DNAI7: variants seen among roughly 807,000 people sequenced by gnomAD.
The protein encoded by DNAI7 is dynein axonemal intermediate chain 7, also known as cancer susceptibility 1.
DNAI7 carries 78 observed loss-of-function variants against 86.6 expected under a neutral mutation model. That is an observed-to-expected ratio of 0.90 (90% confidence interval 0.75 to 1.09). The LOEUF (loss-of-function observed/expected upper bound fraction) is 1.09. Among genes scored for constraint, DNAI7 ranks in the 50% least tolerant of loss-of-function variants. DNAI7 has a pLI of 0.00. For synonymous variants in DNAI7, 274 were observed against 273.0 expected (o/e 1.00, Z -0.04); for missense variants, 753 against 810.2 (o/e 0.93, Z 0.86).
intron 9 of DNAI7, 36 bp from the exon 10 acceptor site, chr12:25,123,322 A>C: frequency 7.2e-7 from 1 of 1,388,564 alleles, no homozygotes; most frequent in Non-Finnish European, 1.0e-6. Context: ...TGTGATTGTC[A>C]GTGTCTACAT....
At chr12:25,171,969 T>C (rs1056638316) in intron 2 of DNAI7, among the ~76,000 whole-genome samples, 1 of 152,186 alleles carries the variant, frequency 6.6e-6, no homozygotes, top group African/African-American at 2.4e-5. Flanking sequence ...TATCTTAATG[T>C]AATAACAGCC....
In DNAI7 at chr12:25,108,587, G is replaced by A. The variant is rs1949428067; in HGVS notation, c.2130C>T (p.Cys710=). 6.2e-7 allele frequency: 1 copy of A among 1,613,570 alleles called. No homozygotes were observed. Among genetic ancestry groups the A allele is most frequent in the African/African-American group, 1.3e-5 (1 of 74,826 alleles). The stretch of plus-strand genomic sequence containing the variant: ...GCAATCTGGTAGAGAGCAGCATGTG[G>A]CACACAGAGTTGACAAACTGACAGT... The part of the protein sequence containing the change: ...SSNCQFVNSV[C]HMLLSTRLLS... The change falls in exon 16 of 16, where the codon TGC becomes TGT. Residue 710 remains cysteine, a synonymous_variant. Transcript: ENST00000395987.
chr12:25,156,758 ATCT>A (rs1392408554), intron 4 of DNAI7, among the ~76,000 whole-genome samples: 1 of 152,000 alleles, frequency 6.6e-6, no homozygotes, highest in Non-Finnish European at 1.5e-5. Flanking sequence ...AAATGAAAAA[ATCT>A]TCTGATTTGG....
At chr12:25,129,191 C>T (rs917757041) in intron 9 of DNAI7, among the ~76,000 whole-genome samples, 2 of 152,150 alleles carry the variant, frequency 1.3e-5, no homozygotes, top group African/African-American at 2.4e-5. Context: ...ATCAAACAGG[C>T]CCTCCCTAAC....
intron 2 of DNAI7, among the ~76,000 whole-genome samples, chr12:25,165,373 T>C (rs112778766): frequency 0.31 from 46,745 of 152,062 alleles, 7,693 homozygotes; most frequent in Non-Finnish European, 0.36. Context: ...ACGCCTGAAC[T>C]GCAGCTGCTG....
chr12:25,143,055 A>C (rs1264454993), intron 9 of DNAI7, among the ~76,000 whole-genome samples: 1 of 152,192 alleles, frequency 6.6e-6, no homozygotes, highest in Admixed American at 6.5e-5. Flanking sequence ...TTAAACAAAA[A>C]TGACAAATTT....
At chr12:25,146,834 T>A (rs1340735477) in intron 8 of DNAI7, among the ~76,000 whole-genome samples, 167 bp downstream of exon 8, 1 of 152,242 alleles carries the variant, frequency 6.6e-6, no homozygotes, top group African/African-American at 2.4e-5. Flanking sequence ...AAGTAACTTG[T>A]GTAAGAAAAT....
chr12:25,169,047 G>A (rs187154773), intron 2 of DNAI7, among the ~76,000 whole-genome samples: 1 of 152,094 alleles, frequency 6.6e-6, no homozygotes, highest in East Asian at 1.9e-4. Flanking sequence ...AAATTTCGCT[G>A]TCCCAAAACT....
chr12:25,173,104 G>C (rs568920375), intron 2 of DNAI7, among the ~76,000 whole-genome samples: 1 of 152,182 alleles, frequency 6.6e-6, no homozygotes, highest in South Asian at 2.1e-4. Flanking sequence ...TAAATAGCTG[G>C]GACCTAATTA....
At chr12:25,123,355 TCCAGTC>T in intron 9 of DNAI7, 69 bp from the exon 10 acceptor site, 1 of 1,038,380 alleles carries the variant, frequency 9.6e-7, no homozygotes, top group Non-Finnish European at 1.4e-6. Context: ...GTCTTTGTGT[TCCAGTC>T]CTCACTTCAG....
downstream of DNAI7, among the ~76,000 whole-genome samples, chr12:25,107,622 T>TTTC (rs1949282374): frequency 2.0e-5 from 3 of 152,390 alleles, no homozygotes; most frequent in South Asian, 4.1e-4. Context: ...TAGCACATCA[T>TTTC]TTCTTTAATC....
At chr12:25,169,507 C>T (rs561107727) in intron 2 of DNAI7, among the ~76,000 whole-genome samples, 3 of 152,116 alleles carry the variant, frequency 2.0e-5, no homozygotes, top group Non-Finnish European at 4.4e-5. Context: ...TTCACACGGA[C>T]GAGAGTGAAA....
chr12:25,179,445 G>A (rs1234657765), intron 2 of DNAI7, among the ~76,000 whole-genome samples: 1 of 151,966 alleles, frequency 6.6e-6, no homozygotes, highest in African/African-American at 2.4e-5. Context: ...ATTAATTATT[G>A]AAAGAGAAAA....
At chr12:25,133,504 G>C (rs1943177658) in intron 9 of DNAI7, among the ~76,000 whole-genome samples, 1 of 152,154 alleles carries the variant, frequency 6.6e-6, no homozygotes, top group African/African-American at 2.4e-5. Flanking sequence ...TGTGTTGGGG[G>C]ATTCTTCGCT....
At chr12:25,177,913 C>G (rs558342362) in intron 2 of DNAI7, among the ~76,000 whole-genome samples, 1 of 149,246 alleles carries the variant, frequency 6.7e-6, no homozygotes, top group South Asian at 2.1e-4. Context: ...GCATTAAATG[C>G]ATTTCTAATT....
chr12:25,114,899 A>G, intron 12 of DNAI7, 29 bp from the exon 13 acceptor site: 1 of 1,512,050 alleles, frequency 6.6e-7, no homozygotes, highest in East Asian at 2.3e-5. Flanking sequence ...AAGTGACACT[A>G]GTTTCATTTT....
At chr12:25,118,224 C>A (rs1016591681) in intron 12 of DNAI7, among the ~76,000 whole-genome samples, 1 of 151,832 alleles carries the variant, frequency 6.6e-6, no homozygotes, top group Non-Finnish European at 1.5e-5. Flanking sequence ...TGAGCCACAG[C>A]GCCTGGCCTG....
chr12:25,188,673 CAAAAAAAAAAAAAA>C (rs71065918), intron 2 of DNAI7, among the ~76,000 whole-genome samples: 3 of 130,206 alleles, frequency 2.3e-5, no homozygotes, highest in African/African-American at 9.5e-5. Context: ...GACTCTGTCT[CAAAAAAAAAAAAAA>C]AAAAAAAAAG....
chr12:25,183,745 CT>C (rs1949778094), intron 2 of DNAI7, among the ~76,000 whole-genome samples: 1 of 152,020 alleles, frequency 6.6e-6, no homozygotes, highest in South Asian at 2.1e-4. Flanking sequence ...AAGAAGATTA[CT>C]GTTGGATTTT....
Sources: allele counts gnomAD v4.1 joint callset (sites outside exome capture counted in the v4.1 genomes callset), GRCh38; gene constraint gnomAD v4.1.1; transcripts MANE v1.5; gene names NCBI Gene and HGNC (gene_info 2026-07-23, HGNC 2026-07-21).